Variants in RUFY2 observed in about 807,000 individuals in gnomAD.
RUFY2 encodes RUN and FYVE domain-containing protein 2.
In RUFY2, 49 loss-of-function variants were observed where a neutral mutation model predicts 94.4. The observed-to-expected ratio is 0.52, with a 90% CI of 0.41 to 0.66. The LOEUF is 0.66. RUFY2 is among the 30% of genes least tolerant of loss of function. The pLI, the probability that RUFY2 is intolerant of heterozygous loss-of-function variation, is 0.00. For missense variants in RUFY2, 541 were observed against 692.8 expected (o/e 0.78, Z 2.46); for synonymous variants, 255 against 235.7 (o/e 1.08, Z -0.75).
chr10:68,357,726 G>A (rs576745989), intron 15 of RUFY2, among the ~76,000 whole-genome samples: 2 of 152,150 alleles, frequency 1.3e-5, no homozygotes, highest in East Asian at 1.9e-4. Context: ...AATATATCCT[G>A]AACAGCTTGC....
At chr10:68,380,113 T>A (rs2048949171) in intron 11 of RUFY2, among the ~76,000 whole-genome samples, 1 of 151,914 alleles carries the variant, frequency 6.6e-6, no homozygotes, top group South Asian at 2.1e-4. Flanking sequence ...CGGCCCTTTT[T>A]TTTTTTTTTT....
At position 68,370,452 on chromosome 10, in the gene RUFY2, T is replaced by TTC. The variant is rs1554883126; in HGVS notation, c.1326-6340_1326-6339insGA. Among the ~76,000 whole-genome samples, 5 of 143,642 alleles carry TTC rather than the reference T, an allele frequency of 3.5e-5. No individual in the cohort carries two copies. In the South Asian group the frequency reaches 8.6e-4, roughly 25 times the overall value. The allele number at this position is 143,642 out of a possible 152,430, so 94.2% of individuals were successfully genotyped here. A position where few individuals can be genotyped will look rare whatever the true frequency, so the allele number is the denominator to read the frequency against. ...GTAACAAGGCATTTCTTTTTTCTTT[T>TTC]TTTTTTTTTTTTTTTGAGACAGAGT... On this transcript the variant is annotated intron_variant, in intron 13 of 17. Transcript: ENST00000602465.
chr10:68,359,591 ATAG>A (rs1378111397), intron 15 of RUFY2, among the ~76,000 whole-genome samples: 14 of 147,008 alleles, frequency 9.5e-5, no homozygotes, highest in Non-Finnish European at 1.3e-4. Flanking sequence ...ATAAATATAC[ATAG>A]TAGTAGTGCT....
In RUFY2 at chr10:68,344,085, T is replaced by A. The variant is rs2134849005; in HGVS notation, c.*1683A>T. The A allele has an allele frequency of 6.6e-6, 1 of 152,300 alleles. No homozygotes were observed. The highest frequency in any genetic ancestry group is 1.9e-4 in the East Asian group (1 of 5,194). 9.4% of individuals were successfully genotyped at this position (152,300 alleles called of 1,614,324 possible). A position where few individuals can be genotyped will look rare whatever the true frequency, so the allele number is the denominator to read the frequency against. ...ATGGTTCAAGAATATAATCCTCTCT[T>A]GAGGACATTTCTGTCAGTATTCAAG... On this transcript the variant is annotated 3_prime_UTR_variant, in exon 18 of 18. Transcript: ENST00000602465.
chr10:68,392,860 G>A (rs1394199076), intron 7 of RUFY2, among the ~76,000 whole-genome samples: 2 of 150,402 alleles, frequency 1.3e-5, no homozygotes, highest in African/African-American at 2.4e-5. Context: ...CCTGGGAGGC[G>A]GAGGTTGCAG....
intron 16 of RUFY2, among the ~76,000 whole-genome samples, chr10:68,350,971 A>G (rs1343316090): frequency 3.9e-5 from 6 of 152,064 alleles, no homozygotes; most frequent in Admixed American, 3.9e-4. Context: ...TCGGCCTCCT[A>G]AAGTGCTGGG....
intron 13 of RUFY2, among the ~76,000 whole-genome samples, chr10:68,368,334 A>AAATTATTATATTTGAGAAATATT (rs1564804242): frequency 6.6e-6 from 1 of 151,104 alleles, no homozygotes; most frequent in African/African-American, 2.5e-5. Context: ...TTAATTCCTC[A>AAATTATTATATTTGAGAAATATT]AATTTCTCAA....
chr10:68,405,034 G>A (rs1220104356), intron 1 of RUFY2, among the ~76,000 whole-genome samples, 190 bp from the exon 2 acceptor site: 2 of 151,982 alleles, frequency 1.3e-5, no homozygotes, highest in Non-Finnish European at 2.9e-5. Flanking sequence ...AAAATTTCCG[G>A]CCAGGCGCGG....
At chr10:68,348,421 G>A (rs903286061) in intron 16 of RUFY2, among the ~76,000 whole-genome samples, 1 of 151,850 alleles carries the variant, frequency 6.6e-6, no homozygotes, top group Non-Finnish European at 1.5e-5. Flanking sequence ...GGAGGCTGAG[G>A]TGGGAGGATT....
chr10:68,387,539 T>C (rs1366192666), intron 7 of RUFY2, among the ~76,000 whole-genome samples: 1 of 152,160 alleles, frequency 6.6e-6, no homozygotes, highest in Non-Finnish European at 1.5e-5. Flanking sequence ...AAGAAAAATG[T>C]TTTTCCATTC....
At chr10:68,393,048 C>A in intron 7 of RUFY2, 90 bp downstream of exon 7, 1 of 569,536 alleles carries the variant, frequency 1.8e-6, no homozygotes, top group Non-Finnish European at 3.0e-6. Context: ...CTCAAAGACT[C>A]TTAGAAGAAA....
chr10:68,393,776 A>C (rs1330546346), intron 6 of RUFY2: 2 of 350,796 alleles, frequency 5.7e-6, no homozygotes, highest in African/African-American at 4.5e-5. Flanking sequence ...AGTATTTGCA[A>C]ACTTGTGAAT....
Position 68,351,631 on chromosome 10 carries a change from G to C in RUFY2, c.1599+3722C>G, listed in dbSNP as rs563860005. 2.3e-4 allele frequency among the ~76,000 whole-genome samples: 35 copies of C among 150,664 alleles called. No homozygotes were observed. In the East Asian group the frequency reaches 6.5e-3, roughly 28 times the overall value. The stretch of plus-strand genomic sequence containing the variant: ...CACTCAGCTAATTTTTGTATTTTTA[G>C]TAGAGGCGGGGTTTCACCATGTTGC... On this transcript the variant is annotated intron_variant, in intron 16 of 17. Transcript: ENST00000602465.
chr10:68,349,533 TAAAG>T (rs1304841581), intron 16 of RUFY2, among the ~76,000 whole-genome samples: 1 of 151,650 alleles, frequency 6.6e-6, no homozygotes, highest in Non-Finnish European at 1.5e-5. Flanking sequence ...AATTTTTTTT[TAAAG>T]AAAAAAAAAT....
chr10:68,398,380 G>A (rs2050561409), intron 3 of RUFY2, among the ~76,000 whole-genome samples: 3 of 151,974 alleles, frequency 2.0e-5, no homozygotes, highest in South Asian at 4.2e-4. Context: ...GGCCTGGCGT[G>A]GTGGCTCACG....
At chr10:68,351,409 T>C (rs1184518558) in intron 16 of RUFY2, among the ~76,000 whole-genome samples, 2 of 151,642 alleles carry the variant, frequency 1.3e-5, no homozygotes, top group Non-Finnish European at 2.9e-5. Context: ...GTGCTGGGAT[T>C]ATAGGCGTGA....
At chr10:68,341,821 T>C (rs2045972864), downstream of RUFY2, 2 of 1,610,630 alleles carry the variant, frequency 1.2e-6, no homozygotes, top group Non-Finnish European at 1.7e-6. Context: ...CAGTGGAGGA[T>C]ATGGTACTCC....
intron 13 of RUFY2, among the ~76,000 whole-genome samples, chr10:68,368,471 C>A (rs369939504): frequency 5.9e-5 from 9 of 151,698 alleles, no homozygotes; most frequent in South Asian, 2.1e-4. Flanking sequence ...ACCAGCCTGA[C>A]CAACATGGAG....
intron 15 of RUFY2, among the ~76,000 whole-genome samples, chr10:68,356,321 T>C (rs972767157): frequency 1.1e-4 from 17 of 151,842 alleles, no homozygotes; most frequent in Non-Finnish European, 1.5e-5. Context: ...CTGGTCAATA[T>C]ACAGTGAAAC....
Sources: gnomAD v4.1 joint callset for allele counts (sites outside exome capture counted in the v4.1 genomes callset) on GRCh38, gnomAD v4.1.1 for gene constraint, MANE v1.5 for transcripts, NCBI Gene and HGNC (gene_info 2026-07-23, HGNC 2026-07-21) for gene names.